Variants in FAM193A observed in about 807,000 individuals in gnomAD.
FAM193A encodes protein FAM193A.
In FAM193A, 22 loss-of-function variants were observed where a neutral mutation model predicts 126.5. The ratio of observed to expected loss-of-function variants is 0.17; its 90% CI spans 0.12 to 0.25. FAM193A has a LOEUF of 0.25. Ranked by LOEUF, FAM193A falls within the 10% of genes least tolerant of loss-of-function variation. FAM193A has a pLI of 1.00. For synonymous variants in FAM193A, 761 were observed against 646.8 expected (o/e 1.18, Z -2.68); for missense variants, 1,675 against 1,672.8 (o/e 1.00, Z -0.02).
At chr4:2,582,050 T>C (rs1055446246) in intron 1 of FAM193A, among the ~76,000 whole-genome samples, 1 of 152,210 alleles carries the variant, frequency 6.6e-6, no homozygotes, top group Non-Finnish European at 1.5e-5. Context: ...TACTCTCTTC[T>C]GGTTTTTATG....
At chr4:2,537,486 G>T (rs983059444) in intron 1 of FAM193A, among the ~76,000 whole-genome samples, 1 of 152,214 alleles carries the variant, frequency 6.6e-6, no homozygotes, top group African/African-American at 2.4e-5. Context: ...TCAACGGGCG[G>T]GGACGTCTCC....
At chr4:2,677,710 C>A (rs766400358) in intron 13 of FAM193A, among the ~76,000 whole-genome samples, 5 of 147,612 alleles carry the variant, frequency 3.4e-5, no homozygotes, top group Non-Finnish European at 7.4e-5. Flanking sequence ...CATTGCACTC[C>A]AGCCTGGGCA....
Position 2,700,363 on chromosome 4 carries a change from C to T in FAM193A, c.4191C>T (p.Asn1397=). Residue 1397 remains asparagine, a synonymous_variant, in exon 19 of 21, where the codon AAC becomes AAT. Transcript: ENST00000637812. ...AGGAGAGAAAAGTCAACAGTAATAA[C>T]AATAACAAAAAGCAGCTGAACCACA... ...KREERKVNSN[N]NNKKQLNHIK... The T allele has an allele frequency of 6.2e-7, 1 of 1,614,066 alleles. No homozygotes were observed.
intron 19 of FAM193A, among the ~76,000 whole-genome samples, chr4:2,702,584 C>G (rs1431880841): frequency 6.6e-6 from 1 of 152,136 alleles, no homozygotes; most frequent in African/African-American, 2.4e-5. Context: ...TTGCTATGTA[C>G]AAGCCGTGAG....
At chr4:2,718,858 A>C (rs1577268032) in intron 20 of FAM193A, among the ~76,000 whole-genome samples, 1 of 152,354 alleles carries the variant, frequency 6.6e-6, no homozygotes, top group East Asian at 1.9e-4. Context: ...ATGAAATGCA[A>C]AATCAACCTG....
In FAM193A at chr4:2,552,361, C is replaced by T. The variant is rs529331496; in HGVS notation, c.255+15191C>T. 2.0e-5 allele frequency among the ~76,000 whole-genome samples: 3 copies of T among 150,590 alleles called. 1 individual carries two copies. Among genetic ancestry groups the T allele is most frequent in the South Asian group, 4.2e-4 (2 of 4,750 alleles). ...AGACGGGGTTTTGCCATGTTGCTCA[C>T]GCTGGTGTTTAACTCCTGAGTTTAA... On this transcript the variant is annotated intron_variant, in intron 1 of 20. Coordinates refer to ENST00000637812, the MANE Select transcript of FAM193A (RefSeq NM_001366318.2).
chr4:2,653,601 G>A (rs780802280), intron 7 of FAM193A, among the ~76,000 whole-genome samples: 7 of 151,994 alleles, frequency 4.6e-5, no homozygotes, highest in Non-Finnish European at 1.5e-5. Flanking sequence ...CCGCCACCAC[G>A]CCCGGCTAAT....
chr4:2,555,877 A>G (rs1406246772), intron 1 of FAM193A, among the ~76,000 whole-genome samples: 4 of 151,052 alleles, frequency 2.6e-5, no homozygotes, highest in Non-Finnish European at 4.4e-5. Context: ...CGGCCTCCCA[A>G]AGTGCTGGGA....
chr4:2,543,869 CAAAAAAAA>C (rs71178473), intron 1 of FAM193A, among the ~76,000 whole-genome samples: 4 of 71,738 alleles, frequency 5.6e-5, no homozygotes, highest in South Asian at 7.7e-4. Flanking sequence ...GACATTGTCT[CAAAAAAAA>C]AAAAAAAAAA....
intron 2 of FAM193A, among the ~76,000 whole-genome samples, chr4:2,616,598 C>T (rs964439893): frequency 6.6e-6 from 1 of 151,484 alleles, no homozygotes; most frequent in African/African-American, 2.4e-5. Flanking sequence ...CACTCTGTTG[C>T]CCAGGCTGGA....
At chr4:2,622,416 G>T (rs1183251913) in intron 2 of FAM193A, among the ~76,000 whole-genome samples, 2 of 152,134 alleles carry the variant, frequency 1.3e-5, no homozygotes, top group Non-Finnish European at 2.9e-5. Flanking sequence ...GGATGGAGAA[G>T]GGGCACTGGA....
chr4:2,541,298 C>T (rs1293954263), intron 1 of FAM193A, among the ~76,000 whole-genome samples: 1 of 152,026 alleles, frequency 6.6e-6, no homozygotes, highest in Admixed American at 6.6e-5. Flanking sequence ...TGCCATTGCA[C>T]TCCAGCCTGG....
intron 20 of FAM193A, among the ~76,000 whole-genome samples, chr4:2,722,253 CA>C (rs1393811142): frequency 6.6e-6 from 1 of 152,074 alleles, no homozygotes; most frequent in African/African-American, 2.4e-5. Flanking sequence ...CTGCAGTCGA[CA>C]AAACAGGCCT....
intron 19 of FAM193A, among the ~76,000 whole-genome samples, chr4:2,703,198 C>A (rs1272882873): frequency 6.6e-6 from 1 of 152,174 alleles, no homozygotes; most frequent in Admixed American, 6.6e-5. Context: ...TTTCTGCAGT[C>A]ACTCTTCTTT....
intron 2 of FAM193A, among the ~76,000 whole-genome samples, chr4:2,600,943 G>C (rs1741160569): frequency 6.6e-6 from 1 of 152,136 alleles, no homozygotes; most frequent in Non-Finnish European, 1.5e-5. Flanking sequence ...GTTAGTTTTG[G>C]TAAGTTATAT....
chr4:2,557,888 G>A (rs1738355023), intron 1 of FAM193A, among the ~76,000 whole-genome samples: 1 of 151,928 alleles, frequency 6.6e-6, no homozygotes. Flanking sequence ...GGAGGCAGAA[G>A]TTGCAGTGAG....
rs192940460 is a variant in FAM193A, at chr4:2,679,886, G to T, written c.2331+7514G>T. Reference sequence around the variant, plus strand: ...TTTTTTTTTTTTTCTTTGAGACGGAGTCTTGCTCTGTCACCCAGGCTGGAA... The same window carrying T: ...TTTTTTTTTTTTTCTTTGAGACGGATTCTTGCTCTGTCACCCAGGCTGGAA... On this transcript the variant is annotated intron_variant, in intron 13 of 20. Transcript: ENST00000637812. Among the ~76,000 whole-genome samples, 18 of 151,236 alleles carry T rather than the reference G, an allele frequency of 1.2e-4. No individual in the cohort carries two copies. In the East Asian group the frequency reaches 3.5e-3, roughly 29 times the overall value.
At chr4:2,551,702 T>C (rs576756941) in intron 1 of FAM193A, among the ~76,000 whole-genome samples, 1 of 152,212 alleles carries the variant, frequency 6.6e-6, no homozygotes, top group Admixed American at 6.6e-5. Context: ...GGTTTCATCA[T>C]TTTTTAAACC....
intron 1 of FAM193A, among the ~76,000 whole-genome samples, chr4:2,595,716 T>C (rs1468484934): frequency 6.6e-6 from 1 of 152,216 alleles, no homozygotes; most frequent in East Asian, 1.9e-4. Flanking sequence ...ATCTGAGCCC[T>C]GGTGTGCAGA....
Sources: gnomAD v4.1 joint callset for allele counts (sites outside exome capture counted in the v4.1 genomes callset) on GRCh38, gnomAD v4.1.1 for gene constraint, MANE v1.5 for transcripts, NCBI Gene and HGNC (gene_info 2026-07-23, HGNC 2026-07-21) for gene names.